Variants in PDE1C observed in about 807,000 individuals in gnomAD.
PDE1C encodes the protein phosphodiesterase 1C.
PDE1C carries 62 observed loss-of-function variants against 93.1 expected under a neutral mutation model. The observed-to-expected ratio is 0.67, with a 90% CI of 0.54 to 0.82. The LOEUF (loss-of-function observed/expected upper bound fraction) is 0.82, where lower values mean the gene tolerates loss of function less well. PDE1C is among the 40% of genes least tolerant of loss of function. The pLI is 0.00. For missense variants in PDE1C, 742 were observed against 884.6 expected, an observed-to-expected ratio of 0.84 and a Z score of 2.04; for synonymous variants, 325 against 310.1, an observed-to-expected ratio of 1.05 and a Z score of -0.50.
chr7:31,704,012 C>T, the PDE1C span, among the ~76,000 whole-genome samples: 1 of 152,122 alleles, frequency 6.6e-6, no homozygotes, highest in Admixed American at 6.5e-5. Context: ...TAACCAAGGC[C>T]TGCTTAAGAG....
chr7:31,716,157 G>A, the PDE1C span, among the ~76,000 whole-genome samples: 1 of 152,158 alleles, frequency 6.6e-6, no homozygotes, highest in Non-Finnish European at 1.5e-5. Context: ...CAAAGTGGAA[G>A]GAGGTGCTCA....
chr7:32,063,857 C>G (rs1795083943), intron 1 of PDE1C, among the ~76,000 whole-genome samples: 1 of 152,172 alleles, frequency 6.6e-6, no homozygotes, highest in Admixed American at 6.5e-5. Flanking sequence ...TGATTTTTAA[C>G]CTTTTCACAT....
chr7:32,115,296 G>T (rs915472926), intron 3 of PDE1C, among the ~76,000 whole-genome samples: 1 of 152,170 alleles, frequency 6.6e-6, no homozygotes, highest in Non-Finnish European at 1.5e-5. Flanking sequence ...CATAAAAAAA[G>T]AATGAGATTA....
At chr7:31,822,160 A>T (rs1364861196) in intron 14 of PDE1C, among the ~76,000 whole-genome samples, 1 of 152,058 alleles carries the variant, frequency 6.6e-6, no homozygotes, top group South Asian at 2.1e-4. Context: ...TCATCTCTGT[A>T]CCCTGGGCAC....
At chr7:32,042,103 C>A (rs1791899953) in intron 2 of PDE1C, among the ~76,000 whole-genome samples, 1 of 152,138 alleles carries the variant, frequency 6.6e-6, no homozygotes, top group South Asian at 2.1e-4. Flanking sequence ...AGTTTGAGAC[C>A]AGCCTGGCCA....
At chr7:32,147,272 A>AAGAAAGAAAGAAAGAAAG (rs3078680) in intron 3 of PDE1C, among the ~76,000 whole-genome samples, 5 of 96,608 alleles carry the variant, frequency 5.2e-5, no homozygotes, top group South Asian at 4.0e-4. Flanking sequence ...AAGAAAGAAA[A>AAGAAAGAAAGAAAGAAAG]AAAGAAAGAA....
chr7:31,719,642 T>C, the PDE1C span, among the ~76,000 whole-genome samples: 1 of 152,178 alleles, frequency 6.6e-6, no homozygotes, highest in African/African-American at 2.4e-5. Flanking sequence ...CCCCTCACAA[T>C]GCATGGCCGT....
chr7:32,016,770 C>T (rs1208084242), intron 2 of PDE1C, among the ~76,000 whole-genome samples: 2 of 152,204 alleles, frequency 1.3e-5, no homozygotes, highest in East Asian at 3.9e-4. Flanking sequence ...GTAGTCTAAT[C>T]CCATTATTAT....
At chr7:31,981,750 C>A (rs183633500) in intron 2 of PDE1C, among the ~76,000 whole-genome samples, 70 of 152,240 alleles carry the variant, frequency 4.6e-4, no homozygotes, top group African/African-American at 1.6e-3. Context: ...TATGTGTCAA[C>A]ACACATGAAA....
the PDE1C span, among the ~76,000 whole-genome samples, chr7:31,732,611 T>TTC: frequency 3.3e-3 from 473 of 143,888 alleles, 2 homozygotes; most frequent in Non-Finnish European, 4.9e-3. Context: ...CTTTAAATCT[T>TTC]TCTCTCTCTC....
intron 1 of PDE1C, among the ~76,000 whole-genome samples, chr7:32,062,321 C>A (rs565332756): frequency 2.0e-5 from 3 of 152,284 alleles, no homozygotes; most frequent in East Asian, 3.9e-4. Flanking sequence ...TAATGGCTTC[C>A]CCTTGCTGAG....
chr7:32,364,199 T>C (rs2128086016), intron 1 of PDE1C, among the ~76,000 whole-genome samples: 1 of 152,364 alleles, frequency 6.6e-6, no homozygotes, highest in East Asian at 1.9e-4. Context: ...TACTGGGTAC[T>C]GGAAAATGGT....
At chr7:31,939,230 A>AAGAAGGAGG (rs1554423462) in intron 2 of PDE1C, among the ~76,000 whole-genome samples, 4 of 151,712 alleles carry the variant, frequency 2.6e-5, no homozygotes, top group African/African-American at 7.3e-5. Flanking sequence ...GAAGAAGAAG[A>AAGAAGGAGG]AGGAGGAGGA....
chr7:31,876,421 G>A (rs1286760830), intron 5 of PDE1C, among the ~76,000 whole-genome samples: 2 of 152,096 alleles, frequency 1.3e-5, no homozygotes, highest in Non-Finnish European at 2.9e-5. Flanking sequence ...ATCACAGTTT[G>A]TTCCAATTCT....
rs572934038 is a variant in PDE1C at position 32,191,768 on chromosome 7, T to C, written c.136+17721A>G. On this transcript the variant is annotated intron_variant, in intron 2 of 18. Transcript: ENST00000396193. ...AATTGCTGGTCGTATGGTAGTTGTA[T>C]GTTTAGCTTTTTAAGATACTACCAA... is the stretch of plus-strand genomic sequence containing the variant. Among the ~76,000 whole-genome samples, 4 of 152,314 alleles carry C rather than the reference T, an allele frequency of 2.6e-5. No homozygotes were observed. The South Asian group carries it at 8.3e-4, about 32-fold the overall frequency.
At chr7:31,977,547 C>T (rs1191568698) in intron 2 of PDE1C, among the ~76,000 whole-genome samples, 2 of 152,148 alleles carry the variant, frequency 1.3e-5, no homozygotes. Flanking sequence ...CCCTCACCTC[C>T]ACCCCATGTC....
chr7:31,876,501 A>G (rs1796603375), intron 5 of PDE1C, among the ~76,000 whole-genome samples: 1 of 152,202 alleles, frequency 6.6e-6, no homozygotes, highest in Non-Finnish European at 1.5e-5. Flanking sequence ...TGGAAGAAAC[A>G]TTTTCGTAAA....
chr7:32,089,913 A>G (rs1320954232), intron 3 of PDE1C, among the ~76,000 whole-genome samples: 1 of 152,224 alleles, frequency 6.6e-6, no homozygotes, highest in Non-Finnish European at 1.5e-5. Flanking sequence ...AGGAGTCAAG[A>G]GACCACAGTA....
At chr7:32,402,503 C>T (rs551625771) in intron 1 of PDE1C, among the ~76,000 whole-genome samples, 1 of 152,202 alleles carries the variant, frequency 6.6e-6, no homozygotes, top group East Asian at 1.9e-4. Flanking sequence ...AGTCCTTCTT[C>T]CACCATTTTG....
Sources: gnomAD v4.1 joint callset for allele counts (sites outside exome capture counted in the v4.1 genomes callset) on GRCh38, gnomAD v4.1.1 for gene constraint, MANE v1.5 for transcripts, NCBI Gene and HGNC (gene_info 2026-07-23, HGNC 2026-07-21) for gene names.